COG2: variants seen among roughly 807,000 people sequenced by gnomAD.
The protein encoded by COG2 is component of oligomeric golgi complex 2, also known as conserved oligomeric Golgi complex subunit 2.
A neutral mutation model predicts 90.6 loss-of-function variants in COG2; 52 were observed. The observed-to-expected ratio is 0.57, with a 90% CI of 0.46 to 0.72. COG2 has a LOEUF of 0.72. COG2 is among the 30% of genes least tolerant of loss of function. The pLI is 0.00. For missense variants in COG2, 829 were observed against 891.2 expected (o/e 0.93, Z 0.89); for synonymous variants, 337 against 320.4 (o/e 1.05, Z -0.55).
intron 16 of COG2, 190 bp downstream of exon 16, chr1:230,690,343 C>T: frequency 2.0e-6 from 1 of 490,374 alleles, no homozygotes. Context: ...GGCCTGTGGG[C>T]TGGCTTCCTC....
At chr1:230,642,838 A>C in intron 1 of COG2, 160 bp downstream of exon 1, 1 of 665,928 alleles carries the variant, frequency 1.5e-6, no homozygotes, top group South Asian at 2.0e-5. Flanking sequence ...TTTTGGCGTC[A>C]GGTTTGGCGG....
At position 230,669,509 on chromosome 1, in the gene COG2, G is replaced by C; in HGVS notation, c.748G>C (p.Val250Leu). 6.2e-7 allele frequency: 1 copy of C among 1,613,932 alleles called. No homozygotes were observed. The highest frequency in any genetic ancestry group is 8.5e-7 in the Non-Finnish European group (1 of 1,179,918). The stretch of plus-strand genomic sequence containing the variant: ...GGACGCGGAGGCCTTAGTTGGCCAA[G>C]TACTAGTGAAACCATACATAGACGA... ...TRDAEALVGQ[V>L]LVKPYIDEVI... Residue 250 changes from valine to leucine, a missense_variant, in exon 7 of 18, where the codon GTA (valine) becomes CTA (leucine). By Grantham distance (32) the Val-to-Leu change is conservative. Transcript: ENST00000366669.
intron 5 of COG2, among the ~76,000 whole-genome samples, chr1:230,668,383 G>T (rs1662366831): frequency 6.6e-6 from 1 of 152,194 alleles, no homozygotes; most frequent in South Asian, 2.1e-4. Flanking sequence ...GGCCTAGCCA[G>T]CCCTGCTGCT....
chr1:230,691,494 G>T lies in COG2; in HGVS notation c.2045G>T (p.Ser682Ile). ...KTTPANPVGP[S>I]GGMSDDDKIR... ...ACTCCCGCCAACCCCGTCGGTCCCA[G>T]TGGTGGCATGAGCGACGACGACAAA... The change falls in exon 17 of 18, where the codon AGT becomes ATT. Residue 682 changes from serine (S) to isoleucine (I), a missense_variant. Physicochemically the swap from Ser to Ile is moderately radical, Grantham distance 142. Transcript: ENST00000366669. 1.9e-6 allele frequency: 3 copies of T among 1,614,214 alleles called. No individual in the cohort carries two copies. Among genetic ancestry groups the T allele is most frequent in the Non-Finnish European group, 2.5e-6 (3 of 1,180,048 alleles).
rs200709537 is a variant in COG2, at chr1:230,675,135, G to T, written c.1026+11G>T. The stretch of plus-strand genomic sequence containing the variant: ...GATGCATTTCATGAGGTATCTCCCC[G>T]CCCGTCGTCTTGATTCTTGAAGATG... On this transcript the variant is annotated intron_variant, in intron 9 of 17. Coordinates refer to ENST00000366669, the MANE Select transcript of COG2 (RefSeq NM_007357.3). The T allele has an allele frequency of 1.9e-5, 30 of 1,603,948 alleles. No individual in the cohort carries two copies. The South Asian group carries it at 2.4e-4, about 13-fold the overall frequency.
chr1:230,687,970 C>T, intron 13 of COG2, 101 bp from the exon 14 acceptor site: 3 of 717,346 alleles, frequency 4.2e-6, no homozygotes, highest in East Asian at 3.0e-5. Context: ...TTAAGTTCAC[C>T]ATTCATTAGC....
chr1:230,683,589 G>A lies in COG2; in HGVS notation c.1182G>A (p.Ala394=), dbSNP rs756696138. 1.9e-5 allele frequency: 30 copies of A among 1,611,340 alleles called. No individual in the cohort carries two copies. Among genetic ancestry groups the A allele is most frequent in the Non-Finnish European group, 2.3e-5 (27 of 1,177,916 alleles). ...VYFQIRFREI[A]GSLEAALTDV... ...TTTATCTCAGATTTAGAGAAATAGC[G>A]GGATCCTTAGAAGCAGCACTTACAG... is the stretch of plus-strand genomic sequence containing the variant. Residue 394 remains alanine, a synonymous_variant, in exon 11 of 18, where the codon GCG becomes GCA. Transcript: ENST00000366669.
intron 9 of COG2, chr1:230,678,138 T>G (rs1662643268): frequency 1.0e-6 from 1 of 985,278 alleles, no homozygotes; most frequent in Non-Finnish European, 1.2e-6. Flanking sequence ...TCAACAGTGT[T>G]CTTAGAGCCT....
At chr1:230,658,171 A>AT (rs1662108078) in intron 1 of COG2, among the ~76,000 whole-genome samples, 1 of 151,986 alleles carries the variant, frequency 6.6e-6, no homozygotes, top group South Asian at 2.1e-4. Flanking sequence ...AATTTTCAGC[A>AT]TTTTTGTGCT....
chr1:230,656,603 C>A (rs916292601), intron 1 of COG2, among the ~76,000 whole-genome samples: 3 of 152,086 alleles, frequency 2.0e-5, no homozygotes, highest in African/African-American at 7.2e-5. Context: ...CCTCTTGGTC[C>A]AGAACTGAGT....
chr1:230,652,667 A>G (rs1334930439), intron 1 of COG2, among the ~76,000 whole-genome samples: 1 of 152,214 alleles, frequency 6.6e-6, no homozygotes, highest in African/African-American at 2.4e-5. Flanking sequence ...AATGAATGAG[A>G]GTTCCTACTG....
At chr1:230,676,712 T>A (rs2182794) in intron 9 of COG2, among the ~76,000 whole-genome samples, 67,456 of 152,012 alleles carry the variant, frequency 0.44, 15,180 homozygotes, top group East Asian at 0.68. Context: ...TTCTAACTGT[T>A]GATGATAATT....
rs763085449 is a variant in COG2 at position 230,675,099 on chromosome 1, C to G, written c.1001C>G (p.Pro334Arg). Residue 334 changes from proline to arginine, a missense_variant, in exon 9 of 18, where the codon CCT becomes CGT. Coordinates refer to ENST00000366669, the MANE Select transcript of COG2 (RefSeq NM_007357.3). ...GAAAAGTTACCCTCGCTTTTTAATCCTGGGAATCCCGATGCATTTCATGAG... is the reference window on the plus strand; with the variant it reads ...GAAAAGTTACCCTCGCTTTTTAATCGTGGGAATCCCGATGCATTTCATGAG... ...LEEKLPSLFN[P>R]GNPDAFHEKY... The G allele has an allele frequency of 4.3e-6, 7 of 1,611,982 alleles. No individual in the cohort carries two copies. The South Asian group carries it at 7.7e-5, about 18-fold the overall frequency.
chr1:230,681,681 C>T (rs1042070876), intron 10 of COG2: 25 of 152,184 alleles, frequency 1.6e-4, no homozygotes, highest in African/African-American at 4.1e-4. Flanking sequence ...GAATGACATT[C>T]GATGTGCACA....
In COG2 at chr1:230,685,167, A is replaced by T; in HGVS notation, c.1311A>T (p.Pro437=). ...GTTGGTCAGATGAGATGTTCTTGCCATTACTGGTGCATCGCCTGTGGAGAC... is the reference window on the plus strand; with the variant it reads ...GTTGGTCAGATGAGATGTTCTTGCCTTTACTGGTGCATCGCCTGTGGAGAC... The part of the protein sequence containing the change: ...RRCWSDEMFL[P]LLVHRLWRLT... The change falls in exon 12 of 18, where the codon CCA becomes CCT. Residue 437 remains proline, a synonymous_variant. Transcript: ENST00000366669. 6.2e-7 allele frequency: 1 copy of T among 1,614,130 alleles called. No individual in the cohort carries two copies. Among genetic ancestry groups the T allele is most frequent in the Non-Finnish European group, 8.5e-7 (1 of 1,180,020 alleles).
At chr1:230,661,846 ACTT>A (rs1662187419) in intron 3 of COG2, among the ~76,000 whole-genome samples, 1 of 152,266 alleles carries the variant, frequency 6.6e-6, no homozygotes, top group South Asian at 2.1e-4. Context: ...CTTTTAAAGT[ACTT>A]CTTCTTGGCA....
At position 230,678,190 on chromosome 1, in the gene COG2, C is replaced by T. The variant is rs1048165897; in HGVS notation, c.1027-723C>T. ...AAGTACCCACAAAAGCAACATGCAG[C>T]CGCAGTTTTGGTCAACTGACTGACT... On this transcript the variant is annotated intron_variant, in intron 9 of 17. Transcript: ENST00000366669. 91 of 985,368 alleles carry T rather than the reference C, an allele frequency of 9.2e-5. 1 individual carries two copies. In the Admixed American group the frequency reaches 4.9e-3, roughly 53 times the overall value. 61.0% of individuals were successfully genotyped at this position (985,368 alleles called of 1,614,324 possible).
chr1:230,642,625 A>T lies in COG2; in HGVS notation c.19A>T (p.Asn7Tyr). The change falls in exon 1 of 18, where the codon AAC becomes TAC. Residue 7 changes from asparagine to tyrosine, a missense_variant. By Grantham distance (143) the Asn-to-Tyr change is moderately radical. Transcript: ENST00000366669. ...CGGCGGGATGGAGAAAAGTAGGATG[A>T]ACCTGCCCAAGGGGCCGGACACGCT... The part of the protein sequence containing the change: MEKSRM[N>Y]LPKGPDTLCF... 1.2e-6 allele frequency: 2 copies of T among 1,613,108 alleles called. No homozygotes were observed. The highest frequency in any genetic ancestry group is 1.7e-6 in the Non-Finnish European group (2 of 1,179,608).
chr1:230,669,339 C>T lies in COG2; in HGVS notation c.595-17C>T. 5 of 1,577,730 alleles carry T rather than the reference C, an allele frequency of 3.2e-6. No individual in the cohort carries two copies. The Admixed American group carries it at 5.6e-5, about 18-fold the overall frequency. ...ACAACTAGAGCTTTTTTTTTATTTA[C>T]CCACCTTTTCTTGCAGCGTATAGCT... On this transcript the variant is annotated splice_polypyrimidine_tract_variant and intron_variant, in intron 6 of 17. Coordinates refer to ENST00000366669, the MANE Select transcript of COG2 (RefSeq NM_007357.3).
Sources: gnomAD v4.1 joint callset for allele counts (sites outside exome capture counted in the v4.1 genomes callset) on GRCh38, gnomAD v4.1.1 for gene constraint, MANE v1.5 for transcripts, NCBI Gene and HGNC (gene_info 2026-07-23, HGNC 2026-07-21) for gene names.